Variants in COL4A1 observed in about 807,000 individuals in gnomAD.
COL4A1 encodes collagen type IV alpha 1 chain.
COL4A1 carries 40 observed loss-of-function variants against 216.6 expected under a neutral mutation model. The ratio of observed to expected loss-of-function variants is 0.18; its 90% CI spans 0.14 to 0.24. The LOEUF (loss-of-function observed/expected upper bound fraction) is 0.24. COL4A1 is among the 10% of genes least tolerant of loss of function. COL4A1 has a pLI of 1.00. For synonymous variants in COL4A1, 839 were observed against 810.7 expected (o/e 1.03, Z -0.59); for missense variants, 1,628 against 2,196.8 (o/e 0.74, Z 5.18).
chr13:110,221,044 C>T (rs191626954), intron 2 of COL4A1, among the ~76,000 whole-genome samples: 1 of 152,308 alleles, frequency 6.6e-6, no homozygotes, highest in Admixed American at 6.5e-5. Context: ...TGTCCATGTT[C>T]AAGGAGAGAT....
At chr13:110,217,592 C>G (rs999216603) in intron 2 of COL4A1, among the ~76,000 whole-genome samples, 2 of 152,200 alleles carry the variant, frequency 1.3e-5, no homozygotes, top group Non-Finnish European at 2.9e-5. Context: ...AAACGAGAAA[C>G]TTGAAAAATA....
chr13:110,193,790 G>A (rs1227037043), intron 22 of COL4A1, among the ~76,000 whole-genome samples: 1 of 152,192 alleles, frequency 6.6e-6, no homozygotes, highest in African/African-American at 2.4e-5. Context: ...GTTTCATTTC[G>A]AGCTCTTTCA....
chr13:110,236,137 G>C (rs899263767), intron 2 of COL4A1, among the ~76,000 whole-genome samples: 4 of 152,174 alleles, frequency 2.6e-5, no homozygotes, highest in African/African-American at 9.7e-5. Context: ...AAAACGACTA[G>C]AATGTTGTAG....
intron 4 of COL4A1, 71 bp from the exon 5 acceptor site, chr13:110,212,689 C>CGGTTAATG: frequency 6.4e-7 from 1 of 1,555,340 alleles, no homozygotes; most frequent in East Asian, 2.2e-5. Flanking sequence ...TGCATCTCCC[C>CGGTTAATG]GGTTAATGGA....
At chr13:110,248,300 G>C (rs1226045739) in intron 1 of COL4A1, among the ~76,000 whole-genome samples, 1 of 152,282 alleles carries the variant, frequency 6.6e-6, no homozygotes, top group South Asian at 2.1e-4. Flanking sequence ...GGCCCCACAC[G>C]CTCCCGGCGG....
rs1283432973 is a variant in COL4A1 at position 110,201,487 on chromosome 13, C to T, written c.1035G>A (p.Glu345=). 2 of 1,614,066 alleles carry T rather than the reference C, an allele frequency of 1.2e-6. No individual in the cohort carries two copies. Among genetic ancestry groups the T allele is most frequent in the Admixed American group, 3.3e-5 (2 of 60,010 alleles). Residue 345 remains glutamate, a synonymous_variant, in exon 19 of 52, where the codon GAG becomes GAA. Coordinates refer to ENST00000375820, the MANE Select transcript of COL4A1 (RefSeq NM_001845.6). ...IGTGPLGEKG[E]RGYPGTPGPR... Reference sequence around the variant, plus strand: ...GCCCCGGAGTTCCAGGGTAGCCCCTCTCTCCTTTTTCTCCCAAAGGTCCTG... The same window carrying T: ...GCCCCGGAGTTCCAGGGTAGCCCCTTTCTCCTTTTTCTCCCAAAGGTCCTG...
chr13:110,162,045 C>A lies in COL4A1; in HGVS notation c.4462+185G>T, dbSNP rs531435511. The A allele has an allele frequency of 4.3e-6, 3 of 690,210 alleles. No individual in the cohort carries two copies. The Admixed American group carries it at 6.3e-5, about 14-fold the overall frequency. The allele number at this position is 690,210 out of a possible 1,614,324, so 42.8% of individuals were successfully genotyped here. ...ATTAGTAATACAGCAGCTGTTGAAC[C>A]GATTATTTGTAATCAATGGAGGGAA... On this transcript the variant is annotated intron_variant, in intron 48 of 51. Coordinates refer to ENST00000375820, the MANE Select transcript of COL4A1 (RefSeq NM_001845.6).
chr13:110,252,438 AT>A (rs1246809880), intron 1 of COL4A1, among the ~76,000 whole-genome samples: 2 of 124,956 alleles, frequency 1.6e-5, no homozygotes, highest in East Asian at 4.9e-4. Context: ...TATATGTATA[AT>A]TATACGTATA....
chr13:110,274,726 C>T (rs1883370133), intron 1 of COL4A1, among the ~76,000 whole-genome samples: 1 of 152,120 alleles, frequency 6.6e-6, no homozygotes, highest in South Asian at 2.1e-4. Flanking sequence ...ACAGTATCCG[C>T]TCATGAGATC....
chr13:110,183,081 G>A lies in COL4A1; in HGVS notation c.2007C>T (p.Pro669=), dbSNP rs145645897. ...GCAGGCCTGGCCTTCCTGGGGTTCC[G>A]GGAAAGCCTCGGTCTCCTGTGGTGA... The part of the protein sequence containing the change: ...FPGPQGDRGF[P]GTPGRPGLPG... The change falls in exon 28 of 52, where the codon CCC becomes CCT. Residue 669 remains proline, a synonymous_variant. Coordinates refer to ENST00000375820, the MANE Select transcript of COL4A1 (RefSeq NM_001845.6). 401 of 1,612,912 alleles carry A rather than the reference G, an allele frequency of 2.5e-4. No individual in the cohort carries two copies. Among genetic ancestry groups the A allele is most frequent in the Middle Eastern group, 5.0e-4 (3 of 6,056 alleles).
intron 1 of COL4A1, among the ~76,000 whole-genome samples, chr13:110,299,941 G>T (rs1019584818): frequency 6.6e-6 from 1 of 152,108 alleles, no homozygotes; most frequent in Non-Finnish European, 1.5e-5. Flanking sequence ...TTCAAAGCTG[G>T]TGCTCTTGGA....
chr13:110,182,135 C>T (rs1044735897), intron 28 of COL4A1, among the ~76,000 whole-genome samples: 1 of 152,110 alleles, frequency 6.6e-6, no homozygotes, highest in Non-Finnish European at 1.5e-5. Flanking sequence ...GTGAGTGTGA[C>T]GAGGCCTCAG....
chr13:110,205,289 T>A (rs959237949), intron 17 of COL4A1, 64 bp downstream of exon 17: 47 of 1,592,450 alleles, frequency 3.0e-5, no homozygotes, highest in Non-Finnish European at 3.6e-5. Flanking sequence ...TAGGAAAGAA[T>A]AAACAGACTT....
At chr13:110,230,880 T>C (rs639562) in intron 2 of COL4A1, among the ~76,000 whole-genome samples, 91,775 of 152,076 alleles carry the variant, frequency 0.6, 29,200 homozygotes, top group Non-Finnish European at 0.72. Context: ...TCCTGATGTG[T>C]GGTCCAGGCA....
chr13:110,163,532 G>A lies in COL4A1; in HGVS notation c.4180C>T (p.Pro1394Ser), dbSNP rs1249832790. 25 of 1,613,906 alleles carry A rather than the reference G, an allele frequency of 1.5e-5. No individual in the cohort carries two copies. The highest frequency in any genetic ancestry group is 2.0e-5 in the Non-Finnish European group (24 of 1,179,968). Residue 1394 changes from proline to serine, a missense_variant, in exon 47 of 52, where the codon CCT becomes TCT. By Grantham distance (74) the Pro-to-Ser change is moderately conservative (BLOSUM62 -1). Coordinates refer to ENST00000375820, the MANE Select transcript of COL4A1 (RefSeq NM_001845.6). ...GVTGLVGIPGPPGIPGFDGAP... is the reference protein window; with the variant it reads ...GVTGLVGIPGSPGIPGFDGAP... ...CCGTCAAACCCAGGAATACCTGGAG[G>A]TCCAGGTATACCCACCAATCCTGTA...
chr13:110,172,536 C>T (rs755510168), intron 41 of COL4A1, among the ~76,000 whole-genome samples, 184 bp downstream of exon 41: 2 of 152,210 alleles, frequency 1.3e-5, no homozygotes, highest in Non-Finnish European at 2.9e-5. Context: ...CATTTTGATC[C>T]ATTAATTAGA....
intron 1 of COL4A1, among the ~76,000 whole-genome samples, chr13:110,279,745 C>A (rs1883556616): frequency 6.6e-6 from 1 of 152,218 alleles, no homozygotes; most frequent in South Asian, 2.1e-4. Context: ...TGTTGTTGTT[C>A]AACTTTCTAA....
chr13:110,204,061 A>G (rs1034464942), intron 17 of COL4A1, among the ~76,000 whole-genome samples: 1 of 152,252 alleles, frequency 6.6e-6, no homozygotes, highest in Non-Finnish European at 1.5e-5. Flanking sequence ...TCAAATTTGC[A>G]TTGGAGGTCA....
Position 110,150,117 on chromosome 13 carries a change from G to A in COL4A1, c.*246C>T, listed in dbSNP as rs544296306. Reference sequence around the variant, plus strand: ...AGTGCATTGGATTGCAGAAAATATTGATATTTTATTTCATCAAAAGTGCCA... The same window carrying A: ...AGTGCATTGGATTGCAGAAAATATTAATATTTTATTTCATCAAAAGTGCCA... On this transcript the variant is annotated 3_prime_UTR_variant, in exon 52 of 52. Coordinates refer to ENST00000375820, the MANE Select transcript of COL4A1 (RefSeq NM_001845.6). 10 of 542,226 alleles carry A rather than the reference G, an allele frequency of 1.8e-5. No homozygotes were observed. The East Asian group carries it at 3.0e-4, about 16-fold the overall frequency. 33.6% of individuals were successfully genotyped at this position (542,226 alleles called of 1,614,324 possible).
Sources: gnomAD v4.1 joint callset for allele counts (sites outside exome capture counted in the v4.1 genomes callset) on GRCh38, gnomAD v4.1.1 for gene constraint, MANE v1.5 for transcripts, NCBI Gene and HGNC (gene_info 2026-07-23, HGNC 2026-07-21) for gene names.